The following EPHA6 variants were observed in gnomAD, a reference collection of about 807,000 sequenced individuals.
EPHA6 encodes the protein EPH receptor A6.
Under a neutral mutation model 112.0 loss-of-function variants are expected in EPHA6, and 50 were observed. That is an observed-to-expected ratio of 0.45 (90% CI 0.36 to 0.56). The LOEUF is 0.56. Among genes scored for constraint, EPHA6 ranks in the 20% least tolerant of loss-of-function variants. The pLI, the probability that EPHA6 is intolerant of heterozygous loss-of-function variation, is 0.00. For missense variants in EPHA6, 1,280 were observed against 1,417.4 expected (o/e 0.90, Z 1.56); for synonymous variants, 529 against 490.7 (o/e 1.08, Z -1.03).
chr3:97,336,232 G>A (rs1203148059), intron 5 of EPHA6, among the ~76,000 whole-genome samples: 1 of 152,154 alleles, frequency 6.6e-6, no homozygotes, highest in Non-Finnish European at 1.5e-5. Context: ...TTGTTTCAAA[G>A]CTACACTGTA....
chr3:97,553,688 A>G (rs1035739747), intron 11 of EPHA6, among the ~76,000 whole-genome samples: 1 of 152,096 alleles, frequency 6.6e-6, no homozygotes, highest in Admixed American at 6.6e-5. Context: ...GGGGATTACA[A>G]TTTAAGATGA....
At chr3:97,301,758 A>G (rs962333681) in intron 5 of EPHA6, among the ~76,000 whole-genome samples, 4 of 152,148 alleles carry the variant, frequency 2.6e-5, no homozygotes, top group African/African-American at 9.6e-5. Context: ...TATTTAGACT[A>G]TTAACTAGTT....
chr3:97,671,003 A>G (rs888489934), intron 14 of EPHA6, among the ~76,000 whole-genome samples: 1 of 152,158 alleles, frequency 6.6e-6, no homozygotes, highest in African/African-American at 2.4e-5. Context: ...GATCTTCTAG[A>G]GAATCTAGAT....
At chr3:97,545,709 T>G (rs895125523) in intron 11 of EPHA6, among the ~76,000 whole-genome samples, 4 of 152,194 alleles carry the variant, frequency 2.6e-5, no homozygotes, top group Non-Finnish European at 1.5e-5. Context: ...TAAGTCTCTT[T>G]GTAGGTCACT....
At chr3:97,351,722 G>A (rs575990898) in intron 5 of EPHA6, among the ~76,000 whole-genome samples, 52 of 152,010 alleles carry the variant, frequency 3.4e-4, no homozygotes, top group Non-Finnish European at 5.4e-4. Context: ...TGATAAAACT[G>A]GATTTAATTT....
chr3:97,527,196 A>C (rs2092633200), intron 10 of EPHA6, among the ~76,000 whole-genome samples: 2 of 152,164 alleles, frequency 1.3e-5, no homozygotes, highest in Admixed American at 6.5e-5. Context: ...TTTTGGAAGC[A>C]GGCTCAAGCA....
chr3:97,293,224 G>T (rs905383123), intron 5 of EPHA6, among the ~76,000 whole-genome samples: 2 of 152,126 alleles, frequency 1.3e-5, no homozygotes, highest in South Asian at 4.1e-4. Flanking sequence ...TTCAAAGGCA[G>T]ATCATCCTGG....
chr3:97,465,150 G>C (rs1432699139), intron 7 of EPHA6, among the ~76,000 whole-genome samples: 2 of 151,984 alleles, frequency 1.3e-5, no homozygotes, highest in Non-Finnish European at 2.9e-5. Flanking sequence ...GGTATGTCAG[G>C]AAATGTTCCC....
At chr3:96,965,661 T>C (rs2042097967) in intron 2 of EPHA6, among the ~76,000 whole-genome samples, 1 of 152,158 alleles carries the variant, frequency 6.6e-6, no homozygotes, top group South Asian at 2.1e-4. Context: ...ACTTTTTACA[T>C]AATCAAATTT....
chr3:97,463,990 G>A (rs914928425), intron 7 of EPHA6, among the ~76,000 whole-genome samples: 2 of 152,042 alleles, frequency 1.3e-5, no homozygotes, highest in African/African-American at 4.8e-5. Context: ...ACAAGAAACT[G>A]GAAAATTCTC....
At chr3:97,665,291 T>A (rs1396529875) in intron 14 of EPHA6, among the ~76,000 whole-genome samples, 2 of 152,194 alleles carry the variant, frequency 1.3e-5, no homozygotes, top group Admixed American at 1.3e-4. Context: ...ACTGGATCCC[T>A]TCCTTGCACC....
At chr3:97,304,484 A>T (rs2081229135) in intron 5 of EPHA6, among the ~76,000 whole-genome samples, 1 of 151,284 alleles carries the variant, frequency 6.6e-6, no homozygotes, top group Non-Finnish European at 1.5e-5. Flanking sequence ...ACATTTTCCA[A>T]CTTCAAACTA....
rs2091054357 is a variant in EPHA6, at chr3:97,466,368, A to G, written c.1895-8984A>G. On this transcript the variant is annotated intron_variant, in intron 7 of 17. Transcript: ENST00000389672. ...GTCCTGCATCGCCCTGCCCCATATC[A>G]GCATTTACATCCAGTCTAATTATTT... The G allele has an allele frequency of 8.6e-5, 138 of 1,608,382 alleles. 1 individual carries two copies. The South Asian group carries it at 1.5e-3, about 18-fold the overall frequency.
At chr3:97,531,485 C>G (rs773047603) in intron 10 of EPHA6, among the ~76,000 whole-genome samples, 5 of 151,958 alleles carry the variant, frequency 3.3e-5, no homozygotes, top group Admixed American at 2.0e-4. Context: ...TCTCAAATAC[C>G]TAAATCCTGC....
chr3:97,079,606 TAAA>T (rs71113851), intron 3 of EPHA6, among the ~76,000 whole-genome samples: 3 of 113,312 alleles, frequency 2.6e-5, no homozygotes, highest in Admixed American at 8.5e-5. Context: ...AAATTAAAAG[TAAA>T]AAAAAAAAAA....
intron 10 of EPHA6, among the ~76,000 whole-genome samples, chr3:97,488,667 A>G (rs182840512): frequency 2.1e-4 from 32 of 152,248 alleles, no homozygotes; most frequent in African/African-American, 6.3e-4. Flanking sequence ...CTCTTTATAT[A>G]TATATTTTAA....
intron 3 of EPHA6, among the ~76,000 whole-genome samples, chr3:97,121,021 A>G (rs1235031281): frequency 3.9e-5 from 6 of 152,036 alleles, no homozygotes; most frequent in Non-Finnish European, 8.8e-5. Context: ...TCACACAGCT[A>G]TTCAGAGAAA....
chr3:97,444,141 A>C (rs1280802531), intron 6 of EPHA6, among the ~76,000 whole-genome samples: 2 of 152,162 alleles, frequency 1.3e-5, no homozygotes, highest in Admixed American at 6.6e-5. Context: ...TACATAAATC[A>C]TTGTTATTAT....
At chr3:97,273,475 G>A (rs1223624696) in intron 5 of EPHA6, among the ~76,000 whole-genome samples, 10 of 152,162 alleles carry the variant, frequency 6.6e-5, no homozygotes. Flanking sequence ...GAATGAGGCT[G>A]GGGCCTAATA....
Sources: allele counts gnomAD v4.1 joint callset (sites outside exome capture counted in the v4.1 genomes callset), GRCh38; gene constraint gnomAD v4.1.1; transcripts MANE v1.5; gene names NCBI Gene and HGNC (gene_info 2026-07-23, HGNC 2026-07-21).